The following DTWD2 variants were observed in gnomAD, a reference collection of about 807,000 sequenced individuals.
The protein encoded by DTWD2 is tRNA-uridine aminocarboxypropyltransferase 2.
In DTWD2, 39 loss-of-function variants were observed where a neutral mutation model predicts 31.8. The observed-to-expected ratio is 1.22, with a 90% CI of 0.95 to 1.60. The LOEUF (loss-of-function observed/expected upper bound fraction) is 1.60. DTWD2 is among the 40% of genes most tolerant of loss of function. The pLI, the probability that DTWD2 is intolerant of heterozygous loss-of-function variation, is 0.00. For synonymous variants in DTWD2, 180 were observed against 142.8 expected (o/e 1.26, Z -1.86); for missense variants, 515 against 381.5 (o/e 1.35, Z -2.92).
intron 1 of DTWD2, among the ~76,000 whole-genome samples, chr5:118,945,873 G>A (rs1754329043): frequency 1.3e-5 from 2 of 152,000 alleles, no homozygotes; most frequent in African/African-American, 4.8e-5. Context: ...ATCACAGGCA[G>A]ATGTTATATG....
chr5:118,950,002 A>T (rs1274540247), intron 1 of DTWD2, among the ~76,000 whole-genome samples: 1 of 152,120 alleles, frequency 6.6e-6, no homozygotes, highest in Non-Finnish European at 1.5e-5. Context: ...CGAGGTCAGG[A>T]GATCGAGACC....
intron 4 of DTWD2, among the ~76,000 whole-genome samples, chr5:118,880,707 AT>A (rs1385452517): frequency 1.3e-5 from 2 of 152,142 alleles, no homozygotes; most frequent in African/African-American, 4.8e-5. Flanking sequence ...TAAAAATAAT[AT>A]TATCTTTCTC....
rs762314918 is a variant in DTWD2 at position 118,988,340 on chromosome 5, G to C, written c.172C>G (p.Leu58Val). 1.0e-5 allele frequency: 16 copies of C among 1,550,668 alleles called. No individual in the cohort carries two copies. The South Asian group carries it at 1.8e-4, about 17-fold the overall frequency. The change falls in exon 1 of 6, where the codon CTG (leucine) becomes GTG (valine). Residue 58 changes from leucine to valine, a missense_variant. Transcript: ENST00000510708. ...DDDSADGLWELPVEPAERRPE... is the reference protein window; with the variant it reads ...DDDSADGLWEVPVEPAERRPE... The stretch of plus-strand genomic sequence containing the variant: ...CTCCGCTCGGCCGGCTCCACCGGCA[G>C]CTCCCACAGCCCGTCCGCACTGTCG...
intron 1 of DTWD2, among the ~76,000 whole-genome samples, chr5:118,949,901 G>T (rs1424768296): frequency 6.6e-6 from 1 of 152,138 alleles, no homozygotes; most frequent in Non-Finnish European, 1.5e-5. Context: ...TAACTAAAAA[G>T]GAGTGCACAA....
intron 4 of DTWD2, among the ~76,000 whole-genome samples, chr5:118,874,560 T>C (rs1752580201): frequency 6.6e-6 from 1 of 151,860 alleles, no homozygotes; most frequent in Admixed American, 6.6e-5. Context: ...AATTTCACAA[T>C]GCAATCAAAA....
At chr5:118,857,345 G>A (rs1352439784) in intron 4 of DTWD2, among the ~76,000 whole-genome samples, 4 of 151,988 alleles carry the variant, frequency 2.6e-5, no homozygotes, top group Admixed American at 2.0e-4. Context: ...TATGTGTTGG[G>A]CTTGATATAT....
chr5:118,860,846 A>G (rs534677917), intron 4 of DTWD2, among the ~76,000 whole-genome samples: 2 of 152,248 alleles, frequency 1.3e-5, no homozygotes, highest in South Asian at 2.1e-4. Context: ...CTATTCTTCT[A>G]TAAGATTAAT....
intron 1 of DTWD2, among the ~76,000 whole-genome samples, chr5:118,979,989 C>T (rs1195151362): frequency 6.6e-6 from 1 of 152,192 alleles, no homozygotes; most frequent in East Asian, 1.9e-4. Flanking sequence ...GCACATGTAC[C>T]CTGGAACTTA....
intron 1 of DTWD2, among the ~76,000 whole-genome samples, chr5:118,963,404 T>C (rs970750859): frequency 6.6e-6 from 1 of 152,128 alleles, no homozygotes; most frequent in South Asian, 2.1e-4. Flanking sequence ...AGCACCTGTT[T>C]TGGGGGAGCA....
intron 4 of DTWD2, among the ~76,000 whole-genome samples, chr5:118,893,123 C>T (rs58385269): frequency 2.6e-5 from 4 of 152,050 alleles, no homozygotes; most frequent in Admixed American, 6.5e-5. Flanking sequence ...TGCCTGTAAT[C>T]CCAGCACTTT....
intron 3 of DTWD2, among the ~76,000 whole-genome samples, chr5:118,938,073 A>T (rs1297831463): frequency 6.6e-6 from 1 of 152,182 alleles, no homozygotes. Flanking sequence ...ATTATACCTC[A>T]ATAATGCTTG....
At chr5:118,856,071 AAG>A (rs1752126844) in intron 4 of DTWD2, among the ~76,000 whole-genome samples, 1 of 152,166 alleles carries the variant, frequency 6.6e-6, no homozygotes, top group East Asian at 1.9e-4. Context: ...ACTCCAGAGA[AAG>A]AGAATCAAGA....
intron 4 of DTWD2, among the ~76,000 whole-genome samples, chr5:118,905,778 C>T (rs1161304899): frequency 1.3e-5 from 2 of 151,936 alleles, no homozygotes; most frequent in Non-Finnish European, 2.9e-5. Context: ...TTATCTCTTC[C>T]CACCCTTCAT....
chr5:118,982,733 G>C (rs1415803862), intron 1 of DTWD2, among the ~76,000 whole-genome samples: 3 of 144,076 alleles, frequency 2.1e-5, no homozygotes, highest in South Asian at 4.4e-4. Flanking sequence ...CTGTCGCCGA[G>C]GCTGGAGTGC....
intron 4 of DTWD2, among the ~76,000 whole-genome samples, chr5:118,875,625 C>A (rs1752604478): frequency 6.9e-6 from 1 of 145,462 alleles, no homozygotes; most frequent in Non-Finnish European, 1.5e-5. Context: ...CAAAAAGGTG[C>A]ATTACATAAT....
chr5:118,941,063 A>G (rs1373805683), intron 2 of DTWD2, among the ~76,000 whole-genome samples: 1 of 152,088 alleles, frequency 6.6e-6, no homozygotes, highest in Non-Finnish European at 1.5e-5. Context: ...CCTCCATATC[A>G]TCTACTCCAC....
intron 1 of DTWD2, among the ~76,000 whole-genome samples, chr5:118,948,953 A>C (rs1196867046): frequency 6.6e-6 from 1 of 152,206 alleles, no homozygotes; most frequent in Non-Finnish European, 1.5e-5. Context: ...GTTGCTTTGT[A>C]GAAGGGGTTA....
rs566263300 is a variant in DTWD2 at position 118,889,765 on chromosome 5, T to C, written c.597+38772A>G. Among the ~76,000 whole-genome samples, 105 of 152,286 alleles carry C rather than the reference T, an allele frequency of 6.9e-4. 1 individual carries two copies. In the South Asian group the frequency reaches 0.021, roughly 30 times the overall value. ...GTTTTTTCAACAATTATTTCATTAG[T>C]GTGATGTAAGAAAGTGATTAAGTCA... is the stretch of plus-strand genomic sequence containing the variant. On this transcript the variant is annotated intron_variant, in intron 4 of 5. Coordinates refer to ENST00000510708, the MANE Select transcript of DTWD2 (RefSeq NM_173666.4).
intron 4 of DTWD2, among the ~76,000 whole-genome samples, chr5:118,863,769 C>T (rs1245730461): frequency 6.6e-6 from 1 of 152,008 alleles, no homozygotes; most frequent in African/African-American, 2.4e-5. Flanking sequence ...ACCTAATAGG[C>T]CTTTAATAAA....
Sources: gnomAD v4.1 joint callset for allele counts (sites outside exome capture counted in the v4.1 genomes callset) on GRCh38, gnomAD v4.1.1 for gene constraint, MANE v1.5 for transcripts, NCBI Gene and HGNC (gene_info 2026-07-23, HGNC 2026-07-21) for gene names.